Variants in NRIP3 observed in about 807,000 individuals in gnomAD.
NRIP3 encodes nuclear receptor-interacting protein 3.
NRIP3 carries 31 observed loss-of-function variants against 29.0 expected under a neutral mutation model. That is an observed-to-expected ratio of 1.07 (90% CI 0.80 to 1.44). The LOEUF (loss-of-function observed/expected upper bound fraction) is 1.44, where lower values mean the gene tolerates loss of function less well. Ranked by LOEUF, NRIP3 falls within the 40% of genes most tolerant of loss-of-function variation. The pLI is 0.00. For synonymous variants in NRIP3, 131 were observed against 118.3 expected, an observed-to-expected ratio of 1.11 and a Z score of -0.70; for missense variants, 314 against 297.9, an observed-to-expected ratio of 1.05 and a Z score of -0.40.
chr11:8,995,584 T>C (rs1453847115), intron 1 of NRIP3, among the ~76,000 whole-genome samples: 3 of 152,212 alleles, frequency 2.0e-5, no homozygotes, highest in Non-Finnish European at 4.4e-5. Flanking sequence ...TCCAAACCAC[T>C]ATAATTTCTT....
chr11:8,983,007 GA>G lies in NRIP3; in HGVS notation c.*537del. 2.2e-6 allele frequency: 1 copy of G among 456,596 alleles called. No homozygotes were observed. The highest frequency in any genetic ancestry group is 4.4e-6 in the Non-Finnish European group (1 of 226,976). 28.3% of individuals were successfully genotyped at this position (456,596 alleles called of 1,614,324 possible). ...CACTTGCCTCTCTGGACCTTTAAAT[GA>G]AAGAGTTAAACTGTAATGGATAATG... On this transcript the variant is annotated 3_prime_UTR_variant, in exon 7 of 7. Coordinates refer to ENST00000309166, the MANE Select transcript of NRIP3 (RefSeq NM_020645.3).
intron 2 of NRIP3, 72 bp downstream of exon 2, chr11:8,988,046 T>TA (rs1483796837): frequency 1.4e-6 from 2 of 1,450,812 alleles, no homozygotes; most frequent in Non-Finnish European, 1.9e-6. Flanking sequence ...CCACACTCTA[T>TA]AAAGTCAGGA....
chr11:8,983,684 G>A, intron 6 of NRIP3, 124 bp from the exon 7 acceptor site: 1 of 959,194 alleles, frequency 1.0e-6, no homozygotes, highest in Non-Finnish European at 1.6e-6. Flanking sequence ...CATCACCATT[G>A]CTCATTCTGA....
At position 8,985,780 on chromosome 11, in the gene NRIP3, C is replaced by A; in HGVS notation, c.493G>T (p.Val165Leu). 1 of 1,614,156 alleles carries A rather than the reference C, an allele frequency of 6.2e-7. No homozygotes were observed. The highest frequency in any genetic ancestry group is 8.5e-7 in the Non-Finnish European group (1 of 1,180,024). ...KLSLPRHLKVVGQIEHLVITL... is the reference protein window; with the variant it reads ...KLSLPRHLKVLGQIEHLVITL... ...ATCACTAGGTGCTCAATCTGGCCCA[C>A]TACTTTGAGATGCCGGGGTAGAGAA... Residue 165 changes from valine (V) to leucine (L), a missense_variant, in exon 4 of 7, where the codon GTG (valine) becomes TTG (leucine). By Grantham distance (32) the Val-to-Leu change is conservative. Coordinates refer to ENST00000309166, the MANE Select transcript of NRIP3 (RefSeq NM_020645.3).
chr11:9,000,522 C>T (rs1854774988), intron 1 of NRIP3, among the ~76,000 whole-genome samples: 2 of 152,156 alleles, frequency 1.3e-5, no homozygotes, highest in African/African-American at 4.8e-5. Flanking sequence ...TAGCTATGAT[C>T]AGAAGCAATC....
chr11:8,992,854 T>C (rs941535287), intron 1 of NRIP3, among the ~76,000 whole-genome samples: 2 of 152,002 alleles, frequency 1.3e-5, no homozygotes, highest in Admixed American at 6.6e-5. Flanking sequence ...GGAGGTGGCA[T>C]TGAGCTGAGA....
At chr11:8,996,416 G>C (rs1854707258) in intron 1 of NRIP3, among the ~76,000 whole-genome samples, 2 of 151,344 alleles carry the variant, frequency 1.3e-5, no homozygotes, top group South Asian at 4.2e-4. Context: ...CCAGTAGCTG[G>C]ACTACAGGTG....
Position 9,003,878 on chromosome 11 carries a change from C to T in NRIP3, c.58G>A (p.Ala20Thr). ...CGGCGCTGCTGTCGCAGTGACGCCG[C>T]CTCCCGCATGTCGGTCTCCTTGCGG... Reference protein sequence around the residue: ...GGRKETDMREAASLRQQRRMK... With the variant: ...GGRKETDMRETASLRQQRRMK... The change falls in exon 1 of 7, where the codon GCG becomes ACG. Residue 20 changes from alanine (A) to threonine (T), a missense_variant. Ala to Thr is a moderately conservative substitution (Grantham distance 58, BLOSUM62 0). Coordinates refer to ENST00000309166, the MANE Select transcript of NRIP3 (RefSeq NM_020645.3). 1 of 1,522,652 alleles carries T rather than the reference C, an allele frequency of 6.6e-7. No individual in the cohort carries two copies. The highest frequency in any genetic ancestry group is 8.8e-7 in the Non-Finnish European group (1 of 1,136,488). The allele number at this position is 1,522,652 out of a possible 1,614,324, so 94.3% of individuals were successfully genotyped here.
intron 1 of NRIP3, among the ~76,000 whole-genome samples, chr11:8,989,690 AG>A (rs1272948721): frequency 6.6e-6 from 1 of 152,228 alleles, no homozygotes; most frequent in Non-Finnish European, 1.5e-5. Context: ...TAGGAGCTAG[AG>A]GAAGTGCTAA....
chr11:8,989,508 G>C (rs764170817), intron 1 of NRIP3, among the ~76,000 whole-genome samples: 1 of 152,182 alleles, frequency 6.6e-6, no homozygotes, highest in Non-Finnish European at 1.5e-5. Context: ...CCACCTTTCA[G>C]ATTCCTAAGG....
At chr11:8,987,804 G>A (rs886351747) in intron 2 of NRIP3, among the ~76,000 whole-genome samples, 174 bp from the exon 3 acceptor site, 2 of 152,172 alleles carry the variant, frequency 1.3e-5, no homozygotes, top group Non-Finnish European at 1.5e-5. Flanking sequence ...ACTGGCTCTT[G>A]TTCCTGCTGA....
intron 4 of NRIP3, 95 bp downstream of exon 4, chr11:8,985,616 C>A (rs1479863295): frequency 2.7e-6 from 4 of 1,469,542 alleles, no homozygotes; most frequent in Admixed American, 4.6e-5. Flanking sequence ...TTGAAAAAGT[C>A]AATATTTACA....
chr11:8,982,139 C>T lies in NRIP3; in HGVS notation c.*1406G>A, dbSNP rs528138726. On this transcript the variant is annotated 3_prime_UTR_variant, in exon 7 of 7. Coordinates refer to ENST00000309166, the MANE Select transcript of NRIP3 (RefSeq NM_020645.3). ...CTGACTTGTCCAAGCACTTCTATGA[C>T]CAAACTGAAGGGGAGATTCCATTAT... is the stretch of plus-strand genomic sequence containing the variant. 6.6e-6 allele frequency: 1 copy of T among 152,318 alleles called. No homozygotes were observed. The highest frequency in any genetic ancestry group is 2.1e-4 in the South Asian group (1 of 4,822). The allele number at this position is 152,318 out of a possible 1,614,324, so 9.4% of individuals were successfully genotyped here. A position where few individuals can be genotyped will look rare whatever the true frequency, so the allele number is the denominator to read the frequency against.
intron 3 of NRIP3, among the ~76,000 whole-genome samples, chr11:8,986,596 A>C (rs559803296): frequency 5.3e-5 from 8 of 152,348 alleles, no homozygotes; most frequent in African/African-American, 1.9e-4. Context: ...CAAAAGAAAA[A>C]TAATTGCAGT....
At position 8,983,398 on chromosome 11, in the gene NRIP3, G is replaced by A; in HGVS notation, c.*147C>T. 1 of 675,476 alleles carries A rather than the reference G, an allele frequency of 1.5e-6. No homozygotes were observed. 41.8% of individuals were successfully genotyped at this position (675,476 alleles called of 1,614,324 possible). On this transcript the variant is annotated 3_prime_UTR_variant, in exon 7 of 7. Transcript: ENST00000309166. The stretch of plus-strand genomic sequence containing the variant: ...CATAGACTATAGTCTAGAGAGGTCT[G>A]AATGGGAAGGAGCCCCTGGAGCTTC...
At chr11:8,983,610 G>T (rs371558887) in intron 6 of NRIP3, 50 bp from the exon 7 acceptor site, 43 of 1,589,864 alleles carry the variant, frequency 2.7e-5, no homozygotes, top group Non-Finnish European at 3.4e-5. Context: ...TTCAAAAAAA[G>T]TTAAGCTGAA....
rs1430919224 is a variant in NRIP3 at position 8,981,728 on chromosome 11, AC to A, written c.*1816del. 6 of 152,084 alleles carry A rather than the reference AC, an allele frequency of 3.9e-5. No homozygotes were observed. Among genetic ancestry groups the A allele is most frequent in the African/African-American group, 9.7e-5 (4 of 41,388 alleles). 9.4% of individuals were successfully genotyped at this position (152,084 alleles called of 1,614,324 possible). ...CTAGAGGGAGTGCTGAAGGCTGGTA[AC>A]CCCGGGATCACCCCTCATGAGCTTT... On this transcript the variant is annotated 3_prime_UTR_variant, in exon 7 of 7. Coordinates refer to ENST00000309166, the MANE Select transcript of NRIP3 (RefSeq NM_020645.3).
intron 1 of NRIP3, among the ~76,000 whole-genome samples, chr11:8,990,714 C>G (rs535466119): frequency 9.8e-4 from 149 of 152,134 alleles, no homozygotes; most frequent in Non-Finnish European, 1.9e-3. Context: ...ATTGCTTGAA[C>G]CCAGGAGGCC....
chr11:8,989,232 T>G (rs1271082044), intron 1 of NRIP3, among the ~76,000 whole-genome samples: 1 of 152,220 alleles, frequency 6.6e-6, no homozygotes, highest in Non-Finnish European at 1.5e-5. Flanking sequence ...CCAGAAAGTT[T>G]AAGATATCTC....
Sources: allele counts gnomAD v4.1 joint callset (sites outside exome capture counted in the v4.1 genomes callset), GRCh38; gene constraint gnomAD v4.1.1; transcripts MANE v1.5; gene names NCBI Gene and HGNC (gene_info 2026-07-23, HGNC 2026-07-21).